The following PPP4R4 variants were observed in gnomAD, a reference collection of about 807,000 sequenced individuals.
PPP4R4 encodes the protein protein phosphatase 4 regulatory subunit 4.
PPP4R4 carries 70 observed loss-of-function variants against 121.8 expected under a neutral mutation model. The observed-to-expected ratio is 0.57, with a 90% CI of 0.47 to 0.70. The LOEUF (loss-of-function observed/expected upper bound fraction) is 0.70. Among genes scored for constraint, PPP4R4 ranks in the 30% least tolerant of loss-of-function variants. The pLI is 0.00. For missense variants in PPP4R4, 875 were observed against 1,033.6 expected (o/e 0.85, Z 2.10); for synonymous variants, 348 against 355.7 (o/e 0.98, Z 0.24).
intron 2 of PPP4R4, among the ~76,000 whole-genome samples, chr14:94,184,110 G>A (rs1889133041): frequency 6.6e-6 from 1 of 152,152 alleles, no homozygotes; most frequent in Non-Finnish European, 1.5e-5. Flanking sequence ...GGAAGATTGA[G>A]TTCTATCATA....
At chr14:94,175,908 C>T in intron 1 of PPP4R4, 146 bp from the exon 2 acceptor site, 4 of 674,456 alleles carry the variant, frequency 5.9e-6, no homozygotes, top group Non-Finnish European at 1.1e-5. Context: ...CGCCTGGTAT[C>T]CTCAGCTCCT....
At chr14:94,276,184 G>C (rs570735238) in intron 24 of PPP4R4, among the ~76,000 whole-genome samples, 1 of 152,310 alleles carries the variant, frequency 6.6e-6, no homozygotes, top group Admixed American at 6.5e-5. Flanking sequence ...TTACAAGTTA[G>C]CCATTTCATA....
Position 94,234,648 on chromosome 14 carries a change from A to G in PPP4R4, c.710A>G (p.Glu237Gly). The change falls in exon 7 of 25, where the codon GAA (glutamate) becomes GGA (glycine). Residue 237 changes from glutamate (E) to glycine (G), a missense_variant. Transcript: ENST00000304338. The stretch of plus-strand genomic sequence containing the variant: ...CGATCTTGTATGTGTCGGCAATTAG[A>G]AAATATAGCCCAGGGCATTGGGTAG... ...EVRSCMCRQL[E>G]NIAQGIGTEL... 6.3e-7 allele frequency: 1 copy of G among 1,595,706 alleles called. No individual in the cohort carries two copies. Among genetic ancestry groups the G allele is most frequent in the Non-Finnish European group, 8.6e-7 (1 of 1,163,624 alleles).
At chr14:94,181,595 C>A (rs1371487171) in intron 2 of PPP4R4, among the ~76,000 whole-genome samples, 1 of 152,122 alleles carries the variant, frequency 6.6e-6, no homozygotes. Flanking sequence ...TCATAAATCA[C>A]CCCATAATGC....
intron 2 of PPP4R4, among the ~76,000 whole-genome samples, chr14:94,179,661 A>G (rs902629316): frequency 1.3e-5 from 2 of 152,182 alleles, no homozygotes; most frequent in Admixed American, 1.3e-4. Context: ...TACATCTTTC[A>G]TAAAGTCTTC....
intron 3 of PPP4R4, among the ~76,000 whole-genome samples, chr14:94,229,945 C>T (rs1232769073): frequency 1.3e-5 from 2 of 152,042 alleles, no homozygotes; most frequent in Non-Finnish European, 2.9e-5. Context: ...TGAAAACATA[C>T]TATAATATAG....
At chr14:94,257,425 A>G (rs1295781055) in intron 17 of PPP4R4, among the ~76,000 whole-genome samples, 2 of 152,112 alleles carry the variant, frequency 1.3e-5, no homozygotes, top group African/African-American at 4.8e-5. Flanking sequence ...TATTAGTGTC[A>G]TAAATAAATT....
At chr14:94,231,941 T>A (rs1460526301) in intron 5 of PPP4R4, among the ~76,000 whole-genome samples, 3 of 152,314 alleles carry the variant, frequency 2.0e-5, no homozygotes, top group Non-Finnish European at 4.4e-5. Context: ...TTGGAATTTT[T>A]AAATTATTGT....
chr14:94,247,889 A>G (rs1245054123), intron 14 of PPP4R4, among the ~76,000 whole-genome samples: 1 of 152,186 alleles, frequency 6.6e-6, no homozygotes, highest in Non-Finnish European at 1.5e-5. Context: ...CCCTCAGCAA[A>G]CTAGGCATTG....
intron 19 of PPP4R4, among the ~76,000 whole-genome samples, chr14:94,259,614 T>C (rs1893666315): frequency 6.6e-6 from 1 of 152,212 alleles, no homozygotes; most frequent in Admixed American, 6.5e-5. Context: ...AAGTGTACTA[T>C]TTAATGAATT....
In PPP4R4 at chr14:94,233,737, A is replaced by G. The variant is rs902769750; in HGVS notation, c.601A>G (p.Thr201Ala). Residue 201 changes from threonine to alanine, a missense_variant, in exon 6 of 25, where the codon ACC (threonine) becomes GCC (alanine). Coordinates refer to ENST00000304338, the MANE Select transcript of PPP4R4 (RefSeq NM_058237.2). ...TAGTTGTAAAATTTTAGGAAAATTG[A>G]CCAACAAATTTGATGCCCACACGTG... ...LVSCKILGKL[T>A]NKFDAHTIKR... 1.3e-6 allele frequency: 2 copies of G among 1,589,180 alleles called. No homozygotes were observed. Among genetic ancestry groups the G allele is most frequent in the South Asian group, 2.2e-5 (2 of 89,802 alleles).
At chr14:94,266,838 A>T in intron 22 of PPP4R4, 121 bp from the exon 23 acceptor site, 1 of 659,956 alleles carries the variant, frequency 1.5e-6, no homozygotes, top group Non-Finnish European at 2.6e-6. Context: ...AATAAAAGCA[A>T]CAAACGTTTC....
intron 17 of PPP4R4, among the ~76,000 whole-genome samples, chr14:94,257,840 A>G: frequency 6.6e-6 from 1 of 152,168 alleles, no homozygotes; most frequent in Non-Finnish European, 1.5e-5. Context: ...TACAGGTGTA[A>G]CAGTGATGTA....
chr14:94,242,150 G>C, intron 10 of PPP4R4, 139 bp from the exon 11 acceptor site: 1 of 1,230,120 alleles, frequency 8.1e-7, no homozygotes, highest in Non-Finnish European at 1.1e-6. Flanking sequence ...ACACATATTT[G>C]GATCTTCCAA....
chr14:94,220,380 C>T (rs1043936519), intron 3 of PPP4R4, among the ~76,000 whole-genome samples: 3 of 152,090 alleles, frequency 2.0e-5, no homozygotes, highest in East Asian at 1.9e-4. Flanking sequence ...TTTTGTTTAA[C>T]AGTATACTGG....
chr14:94,185,384 T>G (rs1186165075), intron 2 of PPP4R4, among the ~76,000 whole-genome samples: 5 of 152,086 alleles, frequency 3.3e-5, no homozygotes, highest in Non-Finnish European at 7.4e-5. Context: ...GGCTTGTGCC[T>G]GTTTTTTGGC....
intron 2 of PPP4R4, among the ~76,000 whole-genome samples, chr14:94,196,954 T>C (rs1889907199): frequency 6.6e-6 from 1 of 152,206 alleles, no homozygotes; most frequent in Admixed American, 6.5e-5. Context: ...TCATGATCCT[T>C]ATTTTTCATT....
intron 3 of PPP4R4, among the ~76,000 whole-genome samples, chr14:94,218,835 A>T (rs1366243719): frequency 6.6e-6 from 1 of 152,172 alleles, no homozygotes; most frequent in African/African-American, 2.4e-5. Flanking sequence ...GACAAAGGTG[A>T]CAATTGAACA....
chr14:94,219,618 T>C (rs1223320893), intron 3 of PPP4R4, among the ~76,000 whole-genome samples: 1 of 152,064 alleles, frequency 6.6e-6, no homozygotes, highest in Non-Finnish European at 1.5e-5. Flanking sequence ...AATCCAACAA[T>C]ATATCAGAAG....
Sources: allele counts gnomAD v4.1 joint callset (sites outside exome capture counted in the v4.1 genomes callset), GRCh38; gene constraint gnomAD v4.1.1; transcripts MANE v1.5; gene names NCBI Gene and HGNC (gene_info 2026-07-23, HGNC 2026-07-21).